The following GLB1 variants were observed in gnomAD, a reference collection of about 807,000 sequenced individuals.
GLB1 encodes the protein galactosidase beta 1.
GLB1 carries 56 observed loss-of-function variants against 74.0 expected under a neutral mutation model. The ratio of observed to expected loss-of-function variants is 0.76; its 90% CI spans 0.61 to 0.94. The LOEUF is 0.94. Among genes scored for constraint, GLB1 ranks in the 40% least tolerant of loss-of-function variants. GLB1 has a pLI of 0.00. For missense variants in GLB1, 787 were observed against 845.5 expected (o/e 0.93, Z 0.86); for synonymous variants, 323 against 323.6 (o/e 1.00, Z 0.02).
chr3:33,004,155 C>A (rs1478927152), intron 15 of GLB1, among the ~76,000 whole-genome samples: 2 of 152,176 alleles, frequency 1.3e-5, no homozygotes, highest in Admixed American at 1.3e-4. Context: ...AGGAGCCTTG[C>A]GCATTTGCAT....
intron 1 of GLB1, among the ~76,000 whole-genome samples, chr3:33,075,137 C>T (rs1181563452): frequency 2.0e-5 from 3 of 152,214 alleles, no homozygotes; most frequent in Admixed American, 1.3e-4. Context: ...CCAGGTGTCT[C>T]AATGGATGCT....
At chr3:33,091,590 T>G in intron 1 of GLB1, 5 of 984,534 alleles carry the variant, frequency 5.1e-6, no homozygotes, top group Non-Finnish European at 6.0e-6. Context: ...GTGGAACTCA[T>G]GCACAAGGCT....
intron 15 of GLB1, among the ~76,000 whole-genome samples, chr3:33,002,342 TCCC>T (rs1471213959): frequency 1.2e-4 from 7 of 56,150 alleles, no homozygotes; most frequent in East Asian, 5.2e-4. Context: ...CCTCCCTCCC[TCCC>T]TCCCTTCCTT....
Position 33,043,802 on chromosome 3 carries a change from G to GA in GLB1, c.1068+2317_1068+2318insT, listed in dbSNP as rs1553609477. 3.2e-3 allele frequency among the ~76,000 whole-genome samples: 427 copies of GA among 134,254 alleles called. 42 individuals carry two copies. Among genetic ancestry groups the GA allele is most frequent in the Middle Eastern group, 7.8e-3 (2 of 258 alleles). The allele number at this position is 134,254 out of a possible 152,430, so 88.1% of individuals were successfully genotyped here. A position where few individuals can be genotyped will look rare whatever the true frequency, so the allele number is the denominator to read the frequency against. ...TACCTCAGAAAAATACCAAGCAAAA[G>GA]TATGCAGGTAAATGGTGTTAATGAA... On this transcript the variant is annotated intron_variant, in intron 10 of 15. Transcript: ENST00000307363.
At chr3:32,983,652 C>A in the GLB1 span, among the ~76,000 whole-genome samples, 2 of 151,470 alleles carry the variant, frequency 1.3e-5, no homozygotes, top group Non-Finnish European at 2.9e-5. Context: ...CTGGGGCTAC[C>A]CTTTGACCTT....
At position 33,021,612 on chromosome 3, in the gene GLB1, C is replaced by T. The variant is rs1240011192; in HGVS notation, c.1187G>A (p.Gly396Glu). The T allele has an allele frequency of 6.2e-7, 1 of 1,614,014 alleles. No individual in the cohort carries two copies. The highest frequency in any genetic ancestry group is 2.2e-5 in the East Asian group (1 of 44,884). Residue 396 changes from glycine to glutamate, a missense_variant, in exon 12 of 16, where the codon GGG becomes GAG. Gly to Glu is a moderately conservative substitution (Grantham distance 98). Coordinates refer to ENST00000307363, the MANE Select transcript of GLB1 (RefSeq NM_000404.4). ...CAAGGGATAAAGGCTTTTGATGGGC[C>T]CAGAGGGACACAGAATGTCCAGAGC... The part of the protein sequence containing the change: ...GAALDILCPS[G>E]PIKSLYPLTF...
At chr3:33,004,332 C>T (rs1696701319) in intron 15 of GLB1, among the ~76,000 whole-genome samples, 1 of 152,222 alleles carries the variant, frequency 6.6e-6, no homozygotes. Context: ...AGCAAAACCA[C>T]TACTTGGTCT....
At chr3:32,989,204 T>C in the GLB1 span, among the ~76,000 whole-genome samples, 1 of 152,306 alleles carries the variant, frequency 6.6e-6, no homozygotes, top group African/African-American at 2.4e-5. Context: ...AGGCCTCAGG[T>C]TGATGTCAGT....
At chr3:33,056,489 C>G (rs996495858) in intron 6 of GLB1, among the ~76,000 whole-genome samples, 8 of 151,880 alleles carry the variant, frequency 5.3e-5, no homozygotes, top group Non-Finnish European at 7.4e-5. Context: ...TCACAGCTCA[C>G]CGCAGCCTTG....
At chr3:32,988,132 G>C in the GLB1 span, among the ~76,000 whole-genome samples, 1 of 135,608 alleles carries the variant, frequency 7.4e-6, no homozygotes, top group African/African-American at 2.8e-5. Context: ...GTTGCAGTGA[G>C]CCAAGATTAC....
At chr3:32,971,726 C>T in the GLB1 span, among the ~76,000 whole-genome samples, 1 of 152,214 alleles carries the variant, frequency 6.6e-6, no homozygotes, top group Non-Finnish European at 1.5e-5. Flanking sequence ...AAAAACAAAA[C>T]TCTATGGAGA....
chr3:32,977,004 G>GT, the GLB1 span, among the ~76,000 whole-genome samples: 1 of 152,104 alleles, frequency 6.6e-6, no homozygotes. Context: ...ATGTGGATAA[G>GT]TTTTTTGTGA....
chr3:32,997,350 G>A lies in GLB1; in HGVS notation c.1735-6C>T. ...CCATTAATCCAGACCTGGCCCTGGA[G>A]AGAGAGAGACAGAGAACCATCAACC... On this transcript the variant is annotated splice_region_variant and splice_polypyrimidine_tract_variant and intron_variant, in intron 15 of 15. Coordinates refer to ENST00000307363, the MANE Select transcript of GLB1 (RefSeq NM_000404.4). 3.1e-6 allele frequency: 5 copies of A among 1,612,432 alleles called. No individual in the cohort carries two copies. Among genetic ancestry groups the A allele is most frequent in the South Asian group, 1.1e-5 (1 of 91,004 alleles).
At chr3:33,010,998 A>G (rs1200973835) in intron 15 of GLB1, among the ~76,000 whole-genome samples, 1 of 152,078 alleles carries the variant, frequency 6.6e-6, no homozygotes. Context: ...CTGAGATTAC[A>G]GTTACTCACC....
intron 10 of GLB1, among the ~76,000 whole-genome samples, chr3:33,035,626 G>T (rs1393425291): frequency 6.6e-6 from 1 of 152,000 alleles, no homozygotes; most frequent in Non-Finnish European, 1.5e-5. Context: ...TGTAATTAAG[G>T]ATACAATTAG....
At chr3:32,983,842 G>C in the GLB1 span, among the ~76,000 whole-genome samples, 1 of 150,326 alleles carries the variant, frequency 6.7e-6, no homozygotes, top group Non-Finnish European at 1.5e-5. Context: ...ACCAAGCACA[G>C]CTAATTTTTA....
chr3:33,058,366 G>C, intron 5 of GLB1, 97 bp from the exon 6 acceptor site: 1 of 1,550,314 alleles, frequency 6.5e-7, no homozygotes. Flanking sequence ...CATCTGCTAA[G>C]ATGACAAGGC....
At chr3:33,032,581 CTAATT>C (rs147535427) in intron 10 of GLB1, among the ~76,000 whole-genome samples, 35,371 of 151,848 alleles carry the variant, frequency 0.23, 4,880 homozygotes, top group East Asian at 0.6. Context: ...CTTTTCTTTC[CTAATT>C]TAAATTTTTA....
chr3:33,009,299 G>A lies in GLB1; in HGVS notation c.1734+4757C>T, dbSNP rs188046795. On this transcript the variant is annotated intron_variant, in intron 15 of 15. Transcript: ENST00000307363. ...AGCACTTCGGGAGGCCAAGGCAGGT[G>A]GACCACGAGGTCAGGAGTTCAAGAC... Among the ~76,000 whole-genome samples, 71 of 152,082 alleles carry A rather than the reference G, an allele frequency of 4.7e-4. No individual in the cohort carries two copies. In the South Asian group the frequency reaches 7.9e-3, roughly 17 times the overall value.
Sources: gnomAD v4.1 joint callset for allele counts (sites outside exome capture counted in the v4.1 genomes callset) on GRCh38, gnomAD v4.1.1 for gene constraint, MANE v1.5 for transcripts, NCBI Gene and HGNC (gene_info 2026-07-23, HGNC 2026-07-21) for gene names.